HLA-DRB5: variants seen among roughly 807,000 people sequenced by gnomAD.
HLA-DRB5 encodes major histocompatibility complex, class II, DR beta 5, also known as DR beta-5.
HLA-DRB5 carries 11 observed loss-of-function variants against 22.4 expected under a neutral mutation model. The ratio of observed to expected loss-of-function variants is 0.49; its 90% CI spans 0.31 to 0.81. The LOEUF (loss-of-function observed/expected upper bound fraction) is 0.81. Ranked by LOEUF, HLA-DRB5 falls within the 40% of genes least tolerant of loss-of-function variation. The pLI, the probability that HLA-DRB5 is intolerant of heterozygous loss-of-function variation, is 0.05. For synonymous variants in HLA-DRB5, 57 were observed against 106.0 expected (o/e 0.54, Z 2.84); for missense variants, 106 against 274.4 (o/e 0.39, Z 4.34).
chr6:32,527,100 A>AGGAAGCCATG (rs1266442597), intron 1 of HLA-DRB5, among the ~76,000 whole-genome samples: 2,647 of 20,300 alleles, frequency 0.13, 186 homozygotes, highest in Middle Eastern at 0.21. Flanking sequence ...TAGTGAACTC[A>AGGAAGCCATG]AGCCTATTTT....
chr6:32,523,741 C>G (rs75887920), intron 1 of HLA-DRB5, among the ~76,000 whole-genome samples: 11,882 of 92,048 alleles, frequency 0.13, 451 homozygotes, highest in East Asian at 0.16. Flanking sequence ...CAACTGTCTA[C>G]TTTTGCATAA....
chr6:32,528,486 C>T (rs1390547947), intron 1 of HLA-DRB5, among the ~76,000 whole-genome samples: 1 of 47,846 alleles, frequency 2.1e-5, no homozygotes, highest in Non-Finnish European at 4.2e-5. Context: ...TCCTGGAAAG[C>T]AAGAAGGGGC....
chr6:32,525,048 CTTTT>C (rs1478755086), intron 1 of HLA-DRB5, among the ~76,000 whole-genome samples: 4,918 of 30,502 alleles, frequency 0.16, 1,772 homozygotes, highest in African/African-American at 0.18. Flanking sequence ...ATGAAAGTTT[CTTTT>C]ATACATTGGA....
intron 2 of HLA-DRB5, among the ~76,000 whole-genome samples, chr6:32,520,435 G>T (rs139935052): frequency 0.098 from 6,615 of 67,702 alleles, 78 homozygotes; most frequent in Admixed American, 0.16. Context: ...CAAAGCATGA[G>T]TCATAAAGCA....
At chr6:32,523,615 G>A (rs1395918587) in intron 1 of HLA-DRB5, among the ~76,000 whole-genome samples, 1 of 92,136 alleles carries the variant, frequency 1.1e-5, no homozygotes, top group South Asian at 3.1e-4. Context: ...TAGAGGTAGT[G>A]CTGACCAACA....
In HLA-DRB5 at chr6:32,518,536, C is replaced by CCA. The variant is rs367631589; in HGVS notation, c.763+19_763+20insTG. 150 of 464,136 alleles carry CCA rather than the reference C, an allele frequency of 3.2e-4. No homozygotes were observed. Among genetic ancestry groups the CCA allele is most frequent in the Admixed American group, 7.1e-4 (13 of 18,396 alleles). 28.8% of individuals were successfully genotyped at this position (464,136 alleles called of 1,614,324 possible). On this transcript the variant is annotated intron_variant, in intron 4 of 5. Coordinates refer to ENST00000374975, the MANE Select transcript of HLA-DRB5 (RefSeq NM_002125.4). Reference sequence around the variant, plus strand: ...CTCTGGAAAAGTCTATGGAGAGAGCCGCTACCAAAGGCTCCTCACCTTTCT... The same window carrying CCA: ...CTCTGGAAAAGTCTATGGAGAGAGCCCAGCTACCAAAGGCTCCTCACCTTTCT...
intron 1 of HLA-DRB5, among the ~76,000 whole-genome samples, chr6:32,528,183 T>TGC: frequency 1.7e-5 from 1 of 58,364 alleles, no homozygotes; most frequent in Admixed American, 1.8e-4. Context: ...CAAGTAGGGC[T>TGC]CTCTAGACAT....
At position 32,517,534 on chromosome 6, in the gene HLA-DRB5, C is replaced by T. The variant is rs182157218; in HGVS notation, c.*205G>A. 653 of 160,944 alleles carry T rather than the reference C, an allele frequency of 4.1e-3. No individual in the cohort carries two copies. Among genetic ancestry groups the T allele is most frequent in the Admixed American group, 9.8e-3 (73 of 7,476 alleles). The allele number at this position is 160,944 out of a possible 1,614,324, so 10.0% of individuals were successfully genotyped here. ...GGGAGCACTAAAGTTGAAGATGAGG[C>T]ACTGCCATCAATGCTGGGACTTCAG... is the stretch of plus-strand genomic sequence containing the variant. On this transcript the variant is annotated 3_prime_UTR_variant, in exon 6 of 6. Transcript: ENST00000374975.
In HLA-DRB5 at chr6:32,520,385, A is replaced by C. The variant is rs116748043; in HGVS notation, c.371-734T>G. Among the ~76,000 whole-genome samples, 2 of 61,388 alleles carry C rather than the reference A, an allele frequency of 3.3e-5. 1 individual carries two copies. The highest frequency in any genetic ancestry group is 6.3e-5 in the Non-Finnish European group (2 of 31,678). 40.3% of individuals were successfully genotyped at this position (61,388 alleles called of 152,430 possible). The stretch of plus-strand genomic sequence containing the variant: ...GAAATGGTTGTGCCCCTGGGAAGGT[A>C]GGACAGACAGAAATGGTTCTCCAAT... On this transcript the variant is annotated intron_variant, in intron 2 of 5. Coordinates refer to ENST00000374975, the MANE Select transcript of HLA-DRB5 (RefSeq NM_002125.4).
chr6:32,521,456 A>T (rs796139111), intron 2 of HLA-DRB5, among the ~76,000 whole-genome samples: 786 of 112,496 alleles, frequency 7.0e-3, no homozygotes, highest in South Asian at 0.012. Context: ...GACAGTCTGG[A>T]ACTGGCCTCC....
At chr6:32,526,170 C>T (rs551092761) in intron 1 of HLA-DRB5, among the ~76,000 whole-genome samples, 1,210 of 61,790 alleles carry the variant, frequency 0.02, 1 homozygote, top group East Asian at 0.028. Context: ...CCAGTTTCCT[C>T]CCTGGATACT....
At chr6:32,524,647 G>C (rs72508451) in intron 1 of HLA-DRB5, among the ~76,000 whole-genome samples, 12,982 of 97,654 alleles carry the variant, frequency 0.13, 162 homozygotes, top group Middle Eastern at 0.18. Flanking sequence ...AGAGAGGTGT[G>C]CACCCTGGAT....
At position 32,530,102 on chromosome 6, in the gene HLA-DRB5, C is replaced by T. The variant is rs1770191362; in HGVS notation, c.100+23G>A. On this transcript the variant is annotated intron_variant, in intron 1 of 5. Coordinates refer to ENST00000374975, the MANE Select transcript of HLA-DRB5 (RefSeq NM_002125.4). The stretch of plus-strand genomic sequence containing the variant: ...CTATTTTCCCCACCCCATAGTAGCT[C>T]AGCACCCACAATGTGCACTTACGTC... The T allele has an allele frequency of 2.7e-6, 4 of 1,462,686 alleles. 1 individual carries two copies. The East Asian group carries it at 9.7e-5, about 36-fold the overall frequency. 90.6% of individuals were successfully genotyped at this position (1,462,686 alleles called of 1,614,324 possible). A position where few individuals can be genotyped will look rare whatever the true frequency, so the allele number is the denominator to read the frequency against.
intron 2 of HLA-DRB5, among the ~76,000 whole-genome samples, chr6:32,520,497 A>G (rs552570822): frequency 1.5e-5 from 1 of 68,190 alleles, no homozygotes; most frequent in African/African-American, 5.7e-5. Flanking sequence ...TTACATTTAC[A>G]TTTAGCTGAT....
chr6:32,527,692 C>T (rs187541437), intron 1 of HLA-DRB5, among the ~76,000 whole-genome samples: 35 of 34,456 alleles, frequency 1.0e-3, no homozygotes, highest in East Asian at 3.2e-3. Flanking sequence ...GCCTGGCCAA[C>T]ATGGTGAAAG....
intron 1 of HLA-DRB5, among the ~76,000 whole-genome samples, chr6:32,529,356 G>A (rs796260753): frequency 9.2e-4 from 38 of 41,396 alleles, no homozygotes; most frequent in Admixed American, 2.8e-3. Context: ...AGAGCATGTA[G>A]GAGATATAGG....
In HLA-DRB5 at chr6:32,518,079, TG is replaced by T; in HGVS notation, c.764-3del. On this transcript the variant is annotated splice_region_variant and splice_polypyrimidine_tract_variant and intron_variant, in intron 4 of 5. Coordinates refer to ENST00000374975, the MANE Select transcript of HLA-DRB5 (RefSeq NM_002125.4). ...CTGTTGGGTGAAGTCCAGAGTGCCC[TG>T]GGAAAAAGAGGAAAAGATATACACT... 1 of 451,940 alleles carries T rather than the reference TG, an allele frequency of 2.2e-6. No individual in the cohort carries two copies. The highest frequency in any genetic ancestry group is 3.0e-6 in the Non-Finnish European group (1 of 329,210). 28.0% of individuals were successfully genotyped at this position (451,940 alleles called of 1,614,324 possible).
intron 2 of HLA-DRB5, among the ~76,000 whole-genome samples, chr6:32,520,916 G>A (rs1415381732): frequency 1.3e-5 from 1 of 78,418 alleles, no homozygotes; most frequent in African/African-American, 5.8e-5. Flanking sequence ...AAATCACTGA[G>A]AAAAATACTA....
Position 32,527,983 on chromosome 6 carries a change from C to T in HLA-DRB5, c.100+2142G>A, listed in dbSNP as rs529088135. Among the ~76,000 whole-genome samples, 84 of 31,452 alleles carry T rather than the reference C, an allele frequency of 2.7e-3. 2 individuals carry two copies. Among genetic ancestry groups the T allele is most frequent in the South Asian group, 5.9e-3 (8 of 1,348 alleles). 20.6% of individuals were successfully genotyped at this position (31,452 alleles called of 152,430 possible). A position where few individuals can be genotyped will look rare whatever the true frequency, so the allele number is the denominator to read the frequency against. On this transcript the variant is annotated intron_variant, in intron 1 of 5. Coordinates refer to ENST00000374975, the MANE Select transcript of HLA-DRB5 (RefSeq NM_002125.4). ...TATGAGGCTCCCGACTTCCTCTCTGCATCCTACCTCATCTTCTGCCACTGC... is the reference window on the plus strand; with the variant it reads ...TATGAGGCTCCCGACTTCCTCTCTGTATCCTACCTCATCTTCTGCCACTGC...
Sources: allele counts gnomAD v4.1 joint callset (sites outside exome capture counted in the v4.1 genomes callset), GRCh38; gene constraint gnomAD v4.1.1; transcripts MANE v1.5; gene names NCBI Gene and HGNC (gene_info 2026-07-23, HGNC 2026-07-21).